The following NTRK3 variants were observed in gnomAD, a reference collection of about 807,000 sequenced individuals.
The protein encoded by NTRK3 is NT-3 growth factor receptor.
A neutral mutation model predicts 91.7 loss-of-function variants in NTRK3; 24 were observed. That is an observed-to-expected ratio of 0.26 (90% confidence interval 0.19 to 0.37). The LOEUF is 0.37. Ranked by LOEUF, NTRK3 falls within the 10% of genes least tolerant of loss-of-function variation. The pLI, the probability that NTRK3 is intolerant of heterozygous loss-of-function variation, is 1.00. For missense variants in NTRK3, 880 were observed against 1,068.9 expected (o/e 0.82, Z 2.46); for synonymous variants, 483 against 404.0 (o/e 1.20, Z -2.34).
chr15:88,169,045 G>C (rs1297464807), intron 5 of NTRK3, among the ~76,000 whole-genome samples: 1 of 152,228 alleles, frequency 6.6e-6, no homozygotes, highest in Non-Finnish European at 1.5e-5. Context: ...ATGAGCTAGA[G>C]GTGGCATGGC....
At chr15:87,996,312 A>G (rs1463372423) in intron 14 of NTRK3, among the ~76,000 whole-genome samples, 1 of 152,166 alleles carries the variant, frequency 6.6e-6, no homozygotes, top group Non-Finnish European at 1.5e-5. Flanking sequence ...AACAGGCTGG[A>G]TTGGGCTTGC....
At chr15:87,911,917 T>C (rs1381717052) in intron 17 of NTRK3, among the ~76,000 whole-genome samples, 2 of 152,250 alleles carry the variant, frequency 1.3e-5, no homozygotes, top group Non-Finnish European at 2.9e-5. Context: ...TGAATGATTA[T>C]GTGTCAATCA....
intron 3 of NTRK3, among the ~76,000 whole-genome samples, chr15:88,210,823 G>A (rs1031277917): frequency 5.9e-5 from 9 of 152,104 alleles, no homozygotes; most frequent in Non-Finnish European, 1.3e-4. Flanking sequence ...ATCAGAGAGC[G>A]GGCTCCTGGG....
At chr15:87,999,220 T>A (rs1055403312) in intron 14 of NTRK3, among the ~76,000 whole-genome samples, 2 of 152,170 alleles carry the variant, frequency 1.3e-5, no homozygotes, top group Non-Finnish European at 2.9e-5. Context: ...CTGGAAAGTA[T>A]AATACTGCAT....
rs148560538 is a variant in NTRK3 at position 88,032,966 on chromosome 15, C to T, written c.1476G>A (p.Ser492=). 8.6e-5 allele frequency: 138 copies of T among 1,612,348 alleles called. No individual in the cohort carries two copies. The highest frequency in any genetic ancestry group is 9.4e-5 in the African/African-American group (7 of 74,556). The change falls in exon 14 of 19, where the codon TCG becomes TCA. Residue 492 remains serine (S), a synonymous_variant. Transcript: ENST00000394480. ...CAGTGTCGGGCCCGGCATCCAGTGA[C>T]GAGGGCGTGGTGATGCCGTGGTTGA...
intron 13 of NTRK3, among the ~76,000 whole-genome samples, chr15:88,105,771 G>C (rs1157930905): frequency 2.6e-5 from 4 of 152,108 alleles, no homozygotes; most frequent in South Asian, 2.1e-4. Context: ...CTAAGCCAGT[G>C]GTGGCCACTT....
At chr15:88,047,203 G>T (rs1175824930) in intron 13 of NTRK3, among the ~76,000 whole-genome samples, 1 of 152,146 alleles carries the variant, frequency 6.6e-6, no homozygotes, top group Non-Finnish European at 1.5e-5. Flanking sequence ...GTAGCACGTG[G>T]CTGCTCATTG....
At chr15:87,876,891 A>C (rs771790402) in exon 19 of NTRK3, 6 of 1,601,990 alleles carry the variant, frequency 3.7e-6, no homozygotes, top group Non-Finnish European at 4.3e-6. Flanking sequence ...TGAGGCAGGG[A>C]GAGAGGAGGC....
At chr15:87,878,906 G>GGT (rs34029623) in intron 18 of NTRK3, among the ~76,000 whole-genome samples, 3,588 of 141,954 alleles carry the variant, frequency 0.025, 60 homozygotes, top group Middle Eastern at 0.045. Flanking sequence ...GTGCATGCAT[G>GGT]GTGTGTGTGT....
chr15:87,868,822 G>T (rs1440747083), exon 19 of NTRK3: 4 of 223,110 alleles, frequency 1.8e-5, no homozygotes, highest in Non-Finnish European at 3.6e-5. Flanking sequence ...TTTTGTCCCA[G>T]TTGGGAGAAA....
Position 87,999,893 on chromosome 15 carries a change from C to T in NTRK3, c.1585+32964G>A, listed in dbSNP as rs547622977. Among the ~76,000 whole-genome samples, 23 of 152,290 alleles carry T rather than the reference C, an allele frequency of 1.5e-4. No homozygotes were observed. The South Asian group carries it at 4.8e-3, about 32-fold the overall frequency. On this transcript the variant is annotated intron_variant, in intron 14 of 18. Transcript: ENST00000394480. ...AAATTTCCACCATCCTCTATAAGGA[C>T]CTACTCCAAAATATTAATTGAAATG...
intron 5 of NTRK3, among the ~76,000 whole-genome samples, chr15:88,165,724 A>G (rs2044871764): frequency 6.6e-6 from 1 of 152,240 alleles, no homozygotes. Context: ...AAGCAATTCA[A>G]TAATCCATGG....
At chr15:87,876,988 T>C in exon 19 of NTRK3, 1 of 1,613,862 alleles carries the variant, frequency 6.2e-7, no homozygotes, top group African/African-American at 1.3e-5. Context: ...GCATGGAGGA[T>C]TTTGTAGATC....
intron 13 of NTRK3, among the ~76,000 whole-genome samples, chr15:88,108,373 T>C (rs1193153271): frequency 6.6e-6 from 1 of 152,206 alleles, no homozygotes; most frequent in Non-Finnish European, 1.5e-5. Context: ...AGGAAGTTCA[T>C]TGCCTATTTT....
chr15:87,932,968 G>C (rs114678588), intron 16 of NTRK3, 44 bp downstream of exon 16: 13 of 1,605,926 alleles, frequency 8.1e-6, no homozygotes, highest in Middle Eastern at 1.8e-4. Context: ...CCAAGGGTTC[G>C]GTGGGACTGG....
intron 14 of NTRK3, among the ~76,000 whole-genome samples, chr15:87,992,442 C>A (rs200793352): frequency 5.3e-4 from 81 of 152,304 alleles, no homozygotes; most frequent in African/African-American, 1.8e-3. Flanking sequence ...AGCCACTTGG[C>A]AGTTAATTGT....
chr15:87,965,092 G>T (rs1254685396), intron 14 of NTRK3, among the ~76,000 whole-genome samples: 1 of 152,210 alleles, frequency 6.6e-6, no homozygotes, highest in Non-Finnish European at 1.5e-5. Flanking sequence ...AAAGTAATGT[G>T]TATGTGCATG....
intron 5 of NTRK3, among the ~76,000 whole-genome samples, chr15:88,158,750 G>A (rs890894294): frequency 2.0e-5 from 3 of 151,892 alleles, no homozygotes; most frequent in Non-Finnish European, 4.4e-5. Flanking sequence ...GCAGATGCTG[G>A]GCCTTTTCAC....
intron 15 of NTRK3, among the ~76,000 whole-genome samples, chr15:87,939,226 G>T (rs1345176336): frequency 6.6e-6 from 1 of 152,084 alleles, no homozygotes; most frequent in Non-Finnish European, 1.5e-5. Flanking sequence ...CAATGACAAT[G>T]ATAATGATAG....
Sources: allele counts gnomAD v4.1 joint callset (sites outside exome capture counted in the v4.1 genomes callset), GRCh38; gene constraint gnomAD v4.1.1; transcripts MANE v1.5; gene names NCBI Gene and HGNC (gene_info 2026-07-23, HGNC 2026-07-21).